Variants in MON2 observed in about 807,000 individuals in gnomAD.
MON2 encodes MON2 regulator of endosome-to-Golgi trafficking, also known as protein MON2 homolog.
In MON2, 84 loss-of-function variants were observed where a neutral mutation model predicts 208.6. The observed-to-expected ratio is 0.40, with a 90% CI of 0.34 to 0.48. The LOEUF (loss-of-function observed/expected upper bound fraction) is 0.48. Ranked by LOEUF, MON2 falls within the 20% of genes least tolerant of loss-of-function variation. The pLI is 0.59. For synonymous variants in MON2, 660 were observed against 694.0 expected (o/e 0.95, Z 0.77); for missense variants, 1,611 against 2,015.4 (o/e 0.80, Z 3.84).
chr12:62,499,609 C>T (rs2070725725), intron 5 of MON2, among the ~76,000 whole-genome samples: 4 of 152,176 alleles, frequency 2.6e-5, no homozygotes, highest in South Asian at 4.1e-4. Context: ...TGCGGTGGCT[C>T]ATGCCTGTAA....
intron 7 of MON2, among the ~76,000 whole-genome samples, chr12:62,507,593 C>T (rs2071172449): frequency 6.6e-6 from 1 of 151,744 alleles, no homozygotes; most frequent in Admixed American, 6.6e-5. Flanking sequence ...TGCTAAGATT[C>T]CAGGCCTGAG....
In MON2 at chr12:62,525,202, G is replaced by A; in HGVS notation, c.1228G>A (p.Ala410Thr). The part of the protein sequence containing the change: ...LFLVPPTGNP[A>T]TSNQAGNNNL... ...TCTTGTCCCCCCTACTGGAAATCCT[G>A]CAACAAGCAACCAAGCTGGTAAAAA... Residue 410 changes from alanine (A) to threonine (T), a missense_variant, in exon 10 of 35, where the codon GCA becomes ACA. Ala to Thr is a moderately conservative substitution (Grantham distance 58). Coordinates refer to ENST00000393630, the MANE Select transcript of MON2 (RefSeq NM_015026.3). 3 of 1,613,268 alleles carry A rather than the reference G, an allele frequency of 1.9e-6. No homozygotes were observed. The highest frequency in any genetic ancestry group is 1.3e-5 in the African/African-American group (1 of 74,990).
At chr12:62,487,698 C>A (rs896092186) in intron 2 of MON2, among the ~76,000 whole-genome samples, 3 of 151,382 alleles carry the variant, frequency 2.0e-5, no homozygotes, top group African/African-American at 7.3e-5. Context: ...AATATATTTT[C>A]TTATCAATAA....
intron 2 of MON2, among the ~76,000 whole-genome samples, chr12:62,485,939 G>A (rs1376602958): frequency 6.6e-6 from 1 of 151,972 alleles, no homozygotes; most frequent in African/African-American, 2.4e-5. Context: ...CCTGACCTCG[G>A]GGTTCTCCCG....
Position 62,578,445 on chromosome 12 carries a change from C to A in MON2, c.4515C>A (p.Ser1505Arg). Reference protein sequence around the residue: ...NTFEDFLFTKSIPPDNLSIQE... With the variant: ...NTFEDFLFTKRIPPDNLSIQE... ...AAAATCAAGTGTTTTTTTTTTTTAG[C>A]ATACCTCCAGATAATCTCTCTATTC... Residue 1505 changes from serine to arginine, a missense_variant and splice_region_variant, in exon 31 of 35, where the codon AGC becomes AGA. By Grantham distance (110) the Ser-to-Arg change is moderately radical (BLOSUM62 -1). Transcript: ENST00000393630. 1 of 1,366,928 alleles carries A rather than the reference C, an allele frequency of 7.3e-7. No individual in the cohort carries two copies. Among genetic ancestry groups the A allele is most frequent in the Non-Finnish European group, 1.0e-6 (1 of 997,386 alleles). The allele number at this position is 1,366,928 out of a possible 1,614,324, so 84.7% of individuals were successfully genotyped here. A position where few individuals can be genotyped will look rare whatever the true frequency, so the allele number is the denominator to read the frequency against.
intron 33 of MON2, 165 bp downstream of exon 33, chr12:62,585,666 C>A: frequency 1.9e-6 from 1 of 537,514 alleles, no homozygotes; most frequent in Non-Finnish European, 3.2e-6. Context: ...GGTTTTCCTG[C>A]AGATATATTA....
At chr12:62,549,607 G>A in intron 22 of MON2, 61 bp from the exon 23 acceptor site, 1 of 1,455,238 alleles carries the variant, frequency 6.9e-7, no homozygotes. Flanking sequence ...GTGAGACCCT[G>A]TCTCAAAAAT....
intron 19 of MON2, among the ~76,000 whole-genome samples, chr12:62,542,026 A>G (rs2073264694): frequency 6.6e-6 from 1 of 152,180 alleles, no homozygotes; most frequent in African/African-American, 2.4e-5. Flanking sequence ...CCAAGGTTAT[A>G]TAGCTATTAA....
At position 62,560,377 on chromosome 12, in the gene MON2, G is replaced by T; in HGVS notation, c.3410-114G>T. ...TTAGTACCTAGTCATATATTTTCCA[G>T]TTCTGTAGGATTTTAAGCAGAAAAA... On this transcript the variant is annotated intron_variant, in intron 25 of 34. Transcript: ENST00000393630. 8 of 1,057,590 alleles carry T rather than the reference G, an allele frequency of 7.6e-6. No individual in the cohort carries two copies. In the South Asian group the frequency reaches 1.3e-4, roughly 17 times the overall value. The allele number at this position is 1,057,590 out of a possible 1,614,324, so 65.5% of individuals were successfully genotyped here.
chr12:62,488,808 T>C (rs1292871582), intron 2 of MON2, among the ~76,000 whole-genome samples: 1 of 152,164 alleles, frequency 6.6e-6, no homozygotes, highest in East Asian at 1.9e-4. Context: ...TGTTTTTTGT[T>C]ATAAATATTT....
chr12:62,566,400 G>C lies in MON2; in HGVS notation c.4273G>C (p.Ala1425Pro), dbSNP rs753635885. ...AGTTGTGGATTTATACCAAAAAACAGCGTGTCACAAAGCAGTGGTGAATGA... is the reference window on the plus strand; with the variant it reads ...AGTTGTGGATTTATACCAAAAAACACCGTGTCACAAAGCAGTGGTGAATGA... ...EVVVDLYQKT[A>P]CHKAVVNEKV... Residue 1425 changes from alanine to proline, a missense_variant, in exon 29 of 35, where the codon GCG becomes CCG. By Grantham distance (27) the Ala-to-Pro change is conservative. Transcript: ENST00000393630. 2.5e-6 allele frequency: 4 copies of C among 1,613,684 alleles called. No individual in the cohort carries two copies. In the Admixed American group the frequency reaches 6.7e-5, roughly 27 times the overall value.
rs900254809 is a variant in MON2 at position 62,471,937 on chromosome 12, T to C, written c.111+4619T>C. ...AAGGGAGCGACAAGTTGTGGGCAGTTTGGTCTGTGGCCTCTGCTTTCTTGC... is the reference window on the plus strand; with the variant it reads ...AAGGGAGCGACAAGTTGTGGGCAGTCTGGTCTGTGGCCTCTGCTTTCTTGC... On this transcript the variant is annotated intron_variant, in intron 1 of 34. Coordinates refer to ENST00000393630, the MANE Select transcript of MON2 (RefSeq NM_015026.3). Among the ~76,000 whole-genome samples the C allele has an allele frequency of 7.9e-5, 12 of 152,218 alleles. 1 individual carries two copies. The highest frequency in any genetic ancestry group is 7.2e-4 in the Admixed American group (11 of 15,280).
chr12:62,591,446 A>C (rs1365908429), intron 34 of MON2, among the ~76,000 whole-genome samples: 1 of 152,182 alleles, frequency 6.6e-6, no homozygotes, highest in Admixed American at 6.5e-5. Flanking sequence ...ATGATGTTTG[A>C]TGTCAGTAGG....
intron 8 of MON2, among the ~76,000 whole-genome samples, chr12:62,523,612 A>G (rs897765867): frequency 1.3e-5 from 2 of 152,170 alleles, no homozygotes; most frequent in African/African-American, 4.8e-5. Context: ...ACTAGCAGCT[A>G]AGACTTTGCA....
At chr12:62,507,729 CT>C (rs1466352869) in intron 7 of MON2, among the ~76,000 whole-genome samples, 1 of 152,208 alleles carries the variant, frequency 6.6e-6, no homozygotes, top group East Asian at 1.9e-4. Context: ...TCCTTTTAAA[CT>C]TATATTCTTT....
chr12:62,551,159 C>G (rs545995975), intron 23 of MON2, among the ~76,000 whole-genome samples: 1 of 152,266 alleles, frequency 6.6e-6, no homozygotes, highest in South Asian at 2.1e-4. Context: ...CACAACTTGG[C>G]TCACTGGCAC....
chr12:62,492,741 G>A (rs1432708321), intron 2 of MON2, among the ~76,000 whole-genome samples: 1 of 150,136 alleles, frequency 6.7e-6, no homozygotes, highest in African/African-American at 2.4e-5. Context: ...AGCACTTTGG[G>A]AGGCTGAGGC....
At chr12:62,545,193 A>T (rs2073427372) in intron 21 of MON2, among the ~76,000 whole-genome samples, 185 bp downstream of exon 21, 1 of 152,120 alleles carries the variant, frequency 6.6e-6, no homozygotes, top group Non-Finnish European at 1.5e-5. Context: ...TTTTCATAAA[A>T]AATTTTAAAC....
intron 8 of MON2, among the ~76,000 whole-genome samples, chr12:62,520,062 G>A (rs2071934522): frequency 6.6e-6 from 1 of 152,152 alleles, no homozygotes; most frequent in Non-Finnish European, 1.5e-5. Context: ...TGATCTGCCC[G>A]CCTCTGCCTC....
Sources: gnomAD v4.1 joint callset for allele counts (sites outside exome capture counted in the v4.1 genomes callset) on GRCh38, gnomAD v4.1.1 for gene constraint, MANE v1.5 for transcripts, NCBI Gene and HGNC (gene_info 2026-07-23, HGNC 2026-07-21) for gene names.